Variants in RNF2 observed in about 807,000 individuals in gnomAD.
RNF2 encodes E3 ubiquitin-protein ligase RING2.
Under a neutral mutation model 37.2 loss-of-function variants are expected in RNF2, and 6 were observed. The observed-to-expected ratio is 0.16, with a 90% CI of 0.09 to 0.32. RNF2 has a LOEUF of 0.32. Among genes scored for constraint, RNF2 ranks in the 10% least tolerant of loss-of-function variants. The pLI is 1.00. For missense variants in RNF2, 251 were observed against 404.0 expected (o/e 0.62, Z 3.25); for synonymous variants, 133 against 132.7 (o/e 1.00, Z -0.02).
intron 1 of RNF2, among the ~76,000 whole-genome samples, chr1:185,058,348 T>C (rs1039248188): frequency 6.6e-6 from 1 of 152,150 alleles, no homozygotes; most frequent in African/African-American, 2.4e-5. Context: ...ACCCCATGGA[T>C]ACTCAGGGAG....
At chr1:185,083,826 CAA>C (rs1402019100) in intron 1 of RNF2, among the ~76,000 whole-genome samples, 1 of 149,688 alleles carries the variant, frequency 6.7e-6, no homozygotes, top group Non-Finnish European at 1.5e-5. Context: ...AGGCTGGTCT[CAA>C]ACTCTGGGAC....
Position 185,100,376 on chromosome 1 carries a change from C to T in RNF2, c.*75C>T. Reference sequence around the variant, plus strand: ...TAATATTAAAGATGTACTGGCATTACTTTTATGGACAGATCTTGGATATGT... The same window carrying T: ...TAATATTAAAGATGTACTGGCATTATTTTTATGGACAGATCTTGGATATGT... On this transcript the variant is annotated 3_prime_UTR_variant, in exon 7 of 7. Coordinates refer to ENST00000367510, the MANE Select transcript of RNF2 (RefSeq NM_007212.4). 1 of 902,564 alleles carries T rather than the reference C, an allele frequency of 1.1e-6. No homozygotes were observed. Among genetic ancestry groups the T allele is most frequent in the Non-Finnish European group, 1.7e-6 (1 of 578,780 alleles). 55.9% of individuals were successfully genotyped at this position (902,564 alleles called of 1,614,324 possible).
Position 185,064,324 on chromosome 1 carries a change from A to G in RNF2, c.-3+18675A>G, listed in dbSNP as rs79526782. Among the ~76,000 whole-genome samples the G allele has an allele frequency of 5.5e-3, 836 of 152,304 alleles. 32 individuals are homozygous for G. The East Asian group carries it at 0.085, about 15-fold the overall frequency. On this transcript the variant is annotated intron_variant, in intron 1 of 6. Transcript: ENST00000367510. ...GCACCAATAATAATAGCTATTGTTT[A>G]TTCTTCATAGAATCCTACAGAATAG... is the stretch of plus-strand genomic sequence containing the variant.
In RNF2 at chr1:185,101,349, T is replaced by TA. The variant is rs767360873; in HGVS notation, c.*1049dup. The TA allele has an allele frequency of 4.6e-5, 7 of 152,696 alleles. No homozygotes were observed. In the East Asian group the frequency reaches 1.2e-3, roughly 25 times the overall value. 9.5% of individuals were successfully genotyped at this position (152,696 alleles called of 1,614,324 possible). A position where few individuals can be genotyped will look rare whatever the true frequency, so the allele number is the denominator to read the frequency against. On this transcript the variant is annotated 3_prime_UTR_variant, in exon 7 of 7. Coordinates refer to ENST00000367510, the MANE Select transcript of RNF2 (RefSeq NM_007212.4). ...TTTATAAATTTGGCGCTCTTTTAATTACACTCTGTAGAAGGTTAATAGAGC... is the reference window on the plus strand; with the variant it reads ...TTTATAAATTTGGCGCTCTTTTAATTAACACTCTGTAGAAGGTTAATAGAGC...
At chr1:185,091,083 T>G (rs1651753222) in intron 2 of RNF2, among the ~76,000 whole-genome samples, 1 of 152,206 alleles carries the variant, frequency 6.6e-6, no homozygotes, top group South Asian at 2.1e-4. Flanking sequence ...TAGAGAAACT[T>G]TTATTGGAAT....
At chr1:185,074,164 C>T (rs1571309353) in intron 1 of RNF2, among the ~76,000 whole-genome samples, 2 of 152,162 alleles carry the variant, frequency 1.3e-5, no homozygotes, top group Non-Finnish European at 2.9e-5. Context: ...CATTGGGGTT[C>T]CAACCATAGG....
chr1:185,082,344 A>G (rs1226440628), intron 1 of RNF2, among the ~76,000 whole-genome samples: 1 of 46,832 alleles, frequency 2.1e-5, no homozygotes, highest in Non-Finnish European at 4.1e-5. Context: ...CCTCTGCAGA[A>G]CTTTTTTTTT....
At chr1:185,086,575 G>A (rs552904824) in intron 1 of RNF2, among the ~76,000 whole-genome samples, 2 of 152,194 alleles carry the variant, frequency 1.3e-5, no homozygotes, top group Admixed American at 1.3e-4. Context: ...AATCAGGTGG[G>A]ATATGATACC....
chr1:185,064,468 G>A lies in RNF2; in HGVS notation c.-3+18819G>A, dbSNP rs149233052. ...CTTACGATTTTTCAACTTTACAGTG[G>A]TACAAAAGCAATATGCATTCAGCAT... is the stretch of plus-strand genomic sequence containing the variant. On this transcript the variant is annotated intron_variant, in intron 1 of 6. Transcript: ENST00000367510. Among the ~76,000 whole-genome samples, 17 of 152,266 alleles carry A rather than the reference G, an allele frequency of 1.1e-4. No individual in the cohort carries two copies. The East Asian group carries it at 2.9e-3, about 26-fold the overall frequency.
chr1:185,047,065 T>C (rs1375145310), intron 1 of RNF2, among the ~76,000 whole-genome samples: 1 of 152,250 alleles, frequency 6.6e-6, no homozygotes, highest in Non-Finnish European at 1.5e-5. Flanking sequence ...ACTCTTAAAC[T>C]ACTTTTTAGC....
At chr1:185,059,817 G>A (rs1355562409) in intron 1 of RNF2, among the ~76,000 whole-genome samples, 2 of 152,158 alleles carry the variant, frequency 1.3e-5, no homozygotes, top group Non-Finnish European at 2.9e-5. Flanking sequence ...GAATTCCTTA[G>A]CTGGTTTTTG....
In RNF2 at chr1:185,102,311, G is replaced by A. The variant is rs918023022; in HGVS notation, c.*2010G>A. On this transcript the variant is annotated 3_prime_UTR_variant, in exon 7 of 7. Coordinates refer to ENST00000367510, the MANE Select transcript of RNF2 (RefSeq NM_007212.4). Reference sequence around the variant, plus strand: ...TGCTATTGGCCATCACTACCAACCAGGGTTTCAAAAAGTATTACCTAAGTA... The same window carrying A: ...TGCTATTGGCCATCACTACCAACCAAGGTTTCAAAAAGTATTACCTAAGTA... 5.9e-5 allele frequency: 9 copies of A among 152,192 alleles called. No individual in the cohort carries two copies. Among genetic ancestry groups the A allele is most frequent in the African/African-American group, 2.2e-4 (9 of 41,546 alleles). 9.4% of individuals were successfully genotyped at this position (152,192 alleles called of 1,614,324 possible).
In RNF2 at chr1:185,100,444, A is replaced by G. The variant is rs1433130478; in HGVS notation, c.*143A>G. On this transcript the variant is annotated 3_prime_UTR_variant, in exon 7 of 7. Transcript: ENST00000367510. ...GAGCCAGACTAGTTTACGCTATTCA[A>G]ATCTTTTCCCCTTTATTTAAGATTT... 4.5e-6 allele frequency: 2 copies of G among 444,128 alleles called. No individual in the cohort carries two copies. The highest frequency in any genetic ancestry group is 8.0e-6 in the Non-Finnish European group (2 of 248,958). The allele number at this position is 444,128 out of a possible 1,614,324, so 27.5% of individuals were successfully genotyped here.
chr1:185,077,007 A>G lies in RNF2; in HGVS notation c.-2-10545A>G, dbSNP rs1021246715. On this transcript the variant is annotated intron_variant, in intron 1 of 6. Coordinates refer to ENST00000367510, the MANE Select transcript of RNF2 (RefSeq NM_007212.4). ...TTAATATACTTCAGTTAAGTTGTAG[A>G]GTTTTGTCTTTTCAATATTTTGTGA... Among the ~76,000 whole-genome samples, 4 of 152,128 alleles carry G rather than the reference A, an allele frequency of 2.6e-5. No individual in the cohort carries two copies. In the East Asian group the frequency reaches 7.7e-4, roughly 29 times the overall value.
At chr1:185,099,116 A>G (rs1338486041) in intron 5 of RNF2, among the ~76,000 whole-genome samples, 1 of 149,502 alleles carries the variant, frequency 6.7e-6, no homozygotes, top group East Asian at 2.0e-4. Context: ...CAGTGGCACA[A>G]TCTTGGCTGA....
chr1:185,064,152 C>CT (rs892175937), intron 1 of RNF2, among the ~76,000 whole-genome samples: 9 of 152,120 alleles, frequency 5.9e-5, no homozygotes, highest in African/African-American at 2.2e-4. Flanking sequence ...TTCAATCTGT[C>CT]TTAAATTTAT....
At position 185,076,268 on chromosome 1, in the gene RNF2, G is replaced by GTTTTTTTTTTTTTTTTTTTT. The variant is rs71101959; in HGVS notation, c.-2-11263_-2-11244dup. 1.1e-3 allele frequency among the ~76,000 whole-genome samples: 31 copies of GTTTTTTTTTTTTTTTTTTTT among 27,346 alleles called. 13 individuals carry two copies. The highest frequency in any genetic ancestry group is 2.0e-3 in the Non-Finnish European group (26 of 13,184). The allele number at this position is 27,346 out of a possible 152,430, so 17.9% of individuals were successfully genotyped here. A position where few individuals can be genotyped will look rare whatever the true frequency, so the allele number is the denominator to read the frequency against. ...TTTTCTTCTAGATCTTTTATGGGTT[G>GTTTTTTTTTTTTTTTTTTTT]TTTTTTTTTTTTTTTTTTTTTTTTT... On this transcript the variant is annotated intron_variant, in intron 1 of 6. Transcript: ENST00000367510.
Position 185,100,110 on chromosome 1 carries a change from A to G in RNF2, c.910-90A>G, listed in dbSNP as rs1652035895. 1.1e-5 allele frequency: 14 copies of G among 1,257,028 alleles called. No homozygotes were observed. In the East Asian group the frequency reaches 3.3e-4, roughly 30 times the overall value. 77.9% of individuals were successfully genotyped at this position (1,257,028 alleles called of 1,614,324 possible). ...TAGTTATTCCTAAGATTTGAAAAAA[A>G]AAGATTCTGTGGACTTCCATTTTAG... On this transcript the variant is annotated intron_variant, in intron 6 of 6. Transcript: ENST00000367510.
At chr1:185,067,725 T>G (rs1239768441) in intron 1 of RNF2, among the ~76,000 whole-genome samples, 1 of 150,314 alleles carries the variant, frequency 6.7e-6, no homozygotes, top group Non-Finnish European at 1.5e-5. Context: ...TTTTTTTTTT[T>G]TTTGAGACGG....
Sources: gnomAD v4.1 joint callset for allele counts (sites outside exome capture counted in the v4.1 genomes callset) on GRCh38, gnomAD v4.1.1 for gene constraint, MANE v1.5 for transcripts, NCBI Gene and HGNC (gene_info 2026-07-23, HGNC 2026-07-21) for gene names.